CACNA2D2: variants seen among roughly 807,000 people sequenced by gnomAD.
CACNA2D2 encodes calcium voltage-gated channel auxiliary subunit alpha2delta 2.
In CACNA2D2, 48 loss-of-function variants were observed where a neutral mutation model predicts 166.4. That is an observed-to-expected ratio of 0.29 (90% CI 0.23 to 0.37). The LOEUF (loss-of-function observed/expected upper bound fraction) is 0.37, where lower values mean the gene tolerates loss of function less well. Ranked by LOEUF, CACNA2D2 falls within the 10% of genes least tolerant of loss-of-function variation. The probability of loss-of-function intolerance (pLI) is 1.00; values close to 1 mark genes in which losing one functional copy is unlikely to be tolerated. For synonymous variants in CACNA2D2, 561 were observed against 573.7 expected (o/e 0.98, Z 0.32); for missense variants, 1,122 against 1,433.0 (o/e 0.78, Z 3.50).
At chr3:50,377,851 C>T (rs1705071096) in intron 15 of CACNA2D2, 48 bp from the exon 16 acceptor site, 2 of 1,550,874 alleles carry the variant, frequency 1.3e-6, no homozygotes, top group East Asian at 2.3e-5. Context: ...AGCACTGACC[C>T]CACCCTGAGT....
chr3:50,431,776 G>A (rs1182929054), intron 3 of CACNA2D2, among the ~76,000 whole-genome samples: 1 of 152,120 alleles, frequency 6.6e-6, no homozygotes, highest in Non-Finnish European at 1.5e-5. Context: ...CCTGAGGTCA[G>A]GAGTTTGAGA....
chr3:50,387,501 A>G (rs1705669238), intron 5 of CACNA2D2, 67 bp downstream of exon 5: 1 of 1,330,874 alleles, frequency 7.5e-7, no homozygotes, highest in Non-Finnish European at 1.1e-6. Flanking sequence ...CTGAGTCCTA[A>G]CATCCATTTT....
intron 3 of CACNA2D2, among the ~76,000 whole-genome samples, chr3:50,408,559 TG>T (rs1282837054): frequency 6.6e-6 from 1 of 152,250 alleles, no homozygotes; most frequent in East Asian, 1.9e-4. Flanking sequence ...TGCATCCTGC[TG>T]CTGCAATCAG....
intron 1 of CACNA2D2, among the ~76,000 whole-genome samples, chr3:50,491,932 T>C (rs1469878096): frequency 6.6e-6 from 1 of 152,298 alleles, no homozygotes; most frequent in African/African-American, 2.4e-5. Flanking sequence ...AGACCCAGGA[T>C]TGGTGCAGGG....
intron 5 of CACNA2D2, 95 bp from the exon 6 acceptor site, chr3:50,384,432 A>G: frequency 7.2e-7 from 1 of 1,395,760 alleles, no homozygotes; most frequent in East Asian, 2.3e-5. Flanking sequence ...GCCAGAGTCC[A>G]GGAGATAGGG....
chr3:50,424,874 A>G (rs1365221991), intron 3 of CACNA2D2, among the ~76,000 whole-genome samples: 1 of 152,002 alleles, frequency 6.6e-6, no homozygotes, highest in Non-Finnish European at 1.5e-5. Flanking sequence ...TAGCTTGGGG[A>G]AGACAGCTGA....
intron 2 of CACNA2D2, among the ~76,000 whole-genome samples, chr3:50,455,842 C>T (rs1334909039): frequency 6.6e-6 from 1 of 152,224 alleles, no homozygotes; most frequent in Non-Finnish European, 1.5e-5. Flanking sequence ...AGTTTAATCT[C>T]CTTGAAAGCA....
intron 2 of CACNA2D2, among the ~76,000 whole-genome samples, chr3:50,448,256 T>C (rs1360808988): frequency 6.6e-6 from 1 of 152,134 alleles, no homozygotes; most frequent in African/African-American, 2.4e-5. Context: ...CCCTCTCCCA[T>C]ATAGTATTAC....
intron 2 of CACNA2D2, among the ~76,000 whole-genome samples, chr3:50,447,458 C>T (rs1037117507): frequency 7.2e-5 from 11 of 152,136 alleles, no homozygotes; most frequent in South Asian, 4.1e-4. Context: ...AGGGCAATGA[C>T]GCCAGGAGGA....
intron 13 of CACNA2D2, among the ~76,000 whole-genome samples, chr3:50,378,691 G>T (rs1705120723): frequency 6.6e-6 from 1 of 152,234 alleles, no homozygotes; most frequent in Middle Eastern, 3.2e-3. Flanking sequence ...AGACAAGCTG[G>T]GGGACGGTTG....
chr3:50,392,064 G>A (rs1705916234), intron 4 of CACNA2D2, among the ~76,000 whole-genome samples: 1 of 152,182 alleles, frequency 6.6e-6, no homozygotes, highest in Non-Finnish European at 1.5e-5. Flanking sequence ...TGTGGCACAG[G>A]CCAGGTGCCT....
intron 3 of CACNA2D2, among the ~76,000 whole-genome samples, chr3:50,419,294 G>A (rs550597306): frequency 6.6e-6 from 1 of 152,276 alleles, no homozygotes; most frequent in South Asian, 2.1e-4. Flanking sequence ...CTCGGAAAGG[G>A]GGATGGGCCA....
chr3:50,377,334 T>C (rs966190438), intron 17 of CACNA2D2, 133 bp downstream of exon 17: 2 of 703,232 alleles, frequency 2.8e-6, no homozygotes, highest in African/African-American at 1.8e-5. Context: ...GGTCACCTCC[T>C]GGGGAAGCCT....
At chr3:50,493,882 A>G (rs1698618325) in intron 1 of CACNA2D2, among the ~76,000 whole-genome samples, 1 of 152,176 alleles carries the variant, frequency 6.6e-6, no homozygotes, top group African/African-American at 2.4e-5. Flanking sequence ...CTGGAGAGGG[A>G]CACGGTGAGC....
At chr3:50,453,793 G>C (rs1709216850) in intron 2 of CACNA2D2, among the ~76,000 whole-genome samples, 1 of 152,232 alleles carries the variant, frequency 6.6e-6, no homozygotes, top group Non-Finnish European at 1.5e-5. Flanking sequence ...CAGACAGGTA[G>C]ATGTGCAAGG....
intron 6 of CACNA2D2, among the ~76,000 whole-genome samples, chr3:50,382,487 G>A (rs1436659245): frequency 1.3e-5 from 2 of 152,182 alleles, no homozygotes; most frequent in Admixed American, 6.5e-5. Context: ...TGCTGCGTCC[G>A]CTGCCTGATC....
At chr3:50,503,136 G>C in intron 1 of CACNA2D2, 82 bp downstream of exon 1, 1 of 785,560 alleles carries the variant, frequency 1.3e-6, no homozygotes, top group Middle Eastern at 5.0e-4. Flanking sequence ...GGCGCGGAGC[G>C]CAGGGAAGGA....
chr3:50,461,837 G>A (rs922252584), intron 2 of CACNA2D2, among the ~76,000 whole-genome samples: 1 of 152,080 alleles, frequency 6.6e-6, no homozygotes, highest in Non-Finnish European at 1.5e-5. Context: ...AGAAGTCTAA[G>A]GAAGAGGCCA....
rs1705091802 is a variant in CACNA2D2, at chr3:50,378,216, A to G, written c.1389+68T>C. The G allele has an allele frequency of 7.1e-6, 11 of 1,554,322 alleles. No homozygotes were observed. In the South Asian group the frequency reaches 1.3e-4, roughly 18 times the overall value. The stretch of plus-strand genomic sequence containing the variant: ...TGAGGGGGCGCCCTTGGCCCACAGC[A>G]GCCCATGGCACACAGCGTCCCTGCA... On this transcript the variant is annotated intron_variant, in intron 14 of 37. Transcript: ENST00000424201.
Sources: gnomAD v4.1 joint callset for allele counts (sites outside exome capture counted in the v4.1 genomes callset) on GRCh38, gnomAD v4.1.1 for gene constraint, MANE v1.5 for transcripts, NCBI Gene and HGNC (gene_info 2026-07-23, HGNC 2026-07-21) for gene names.